Variants in PPFIA2 observed in about 807,000 individuals in gnomAD.
The protein encoded by PPFIA2 is PPFI scaffold protein A2.
A neutral mutation model predicts 175.5 loss-of-function variants in PPFIA2; 46 were observed. The observed-to-expected ratio is 0.26, with a 90% confidence interval of 0.21 to 0.34. The LOEUF is 0.34. Ranked by LOEUF, PPFIA2 falls within the 10% of genes least tolerant of loss-of-function variation. PPFIA2 has a pLI of 1.00. For synonymous variants in PPFIA2, 568 were observed against 511.4 expected (o/e 1.11, Z -1.49); for missense variants, 1,179 against 1,506.1 (o/e 0.78, Z 3.60).
At chr12:81,539,337 C>A (rs991079901) in intron 4 of PPFIA2, among the ~76,000 whole-genome samples, 1 of 151,734 alleles carries the variant, frequency 6.6e-6, no homozygotes, top group Non-Finnish European at 1.5e-5. Flanking sequence ...TTTAAAGTCA[C>A]GAGGTTGGGT....
rs1311535329 is a variant in PPFIA2, at chr12:81,457,713, A to C, written c.405+52T>G. The C allele has an allele frequency of 9.4e-6, 10 of 1,068,396 alleles. No homozygotes were observed. The East Asian group carries it at 2.5e-4, about 26-fold the overall frequency. 66.2% of individuals were successfully genotyped at this position (1,068,396 alleles called of 1,614,324 possible). ...TCTTCTTATATGTGTGTTACATGTA[A>C]TGCATTGAACTACAAATAGAATTAA... On this transcript the variant is annotated intron_variant, in intron 5 of 32. Transcript: ENST00000549396.
chr12:81,707,624 G>A (rs1596607415), intron 3 of PPFIA2, among the ~76,000 whole-genome samples: 1 of 149,118 alleles, frequency 6.7e-6, no homozygotes, highest in African/African-American at 2.4e-5. Flanking sequence ...CGATTCCTCA[G>A]GGATCTAGAA....
At chr12:81,371,538 T>G (rs2035097118) in intron 11 of PPFIA2, among the ~76,000 whole-genome samples, 1 of 151,552 alleles carries the variant, frequency 6.6e-6, no homozygotes, top group South Asian at 2.1e-4. Flanking sequence ...TGTTTCTGTT[T>G]ACTTATTAAA....
chr12:81,594,720 T>C (rs1193763828), intron 4 of PPFIA2, among the ~76,000 whole-genome samples: 1 of 151,968 alleles, frequency 6.6e-6, no homozygotes, highest in African/African-American at 2.4e-5. Flanking sequence ...TTCAAGACCC[T>C]GGAAAATATA....
At chr12:81,755,143 C>T (rs535095934) in intron 2 of PPFIA2, among the ~76,000 whole-genome samples, 10 of 152,280 alleles carry the variant, frequency 6.6e-5, no homozygotes, top group African/African-American at 2.4e-4. Flanking sequence ...CCGCCAATCA[C>T]AAGTTCTCAG....
intron 24 of PPFIA2, among the ~76,000 whole-genome samples, chr12:81,292,057 A>T (rs928693218): frequency 1.3e-5 from 2 of 152,136 alleles, no homozygotes; most frequent in African/African-American, 4.8e-5. Flanking sequence ...AAATGGTTTT[A>T]AAATTCCCTA....
At chr12:81,578,527 GTTTAT>G (rs1460867101) in intron 4 of PPFIA2, among the ~76,000 whole-genome samples, 7 of 151,780 alleles carry the variant, frequency 4.6e-5, no homozygotes, top group South Asian at 2.1e-4. Flanking sequence ...CTTTTAATGA[GTTTAT>G]TTTATTTTTA....
chr12:81,395,254 A>G (rs2040902595), intron 8 of PPFIA2, among the ~76,000 whole-genome samples: 1 of 152,104 alleles, frequency 6.6e-6, no homozygotes, highest in African/African-American at 2.4e-5. Flanking sequence ...AAATAAATCT[A>G]ATCATATATA....
At chr12:81,309,043 A>G (rs73350769) in intron 22 of PPFIA2, among the ~76,000 whole-genome samples, 6,074 of 152,292 alleles carry the variant, frequency 0.04, 371 homozygotes, top group African/African-American at 0.13. Context: ...ACAATGCAAT[A>G]TACTTAATTT....
chr12:81,516,057 T>C (rs1522325), intron 4 of PPFIA2, among the ~76,000 whole-genome samples: 76,819 of 151,696 alleles, frequency 0.51, 19,794 homozygotes, highest in African/African-American at 0.59. Context: ...GGAAAAGATG[T>C]TCTCCAAATT....
At chr12:81,659,102 A>G (rs1265995257) in intron 4 of PPFIA2, among the ~76,000 whole-genome samples, 1 of 152,116 alleles carries the variant, frequency 6.6e-6, no homozygotes, top group Non-Finnish European at 1.5e-5. Context: ...AGATGGCCAA[A>G]TAGGAACAGC....
chr12:81,736,386 G>A (rs1203684880), intron 3 of PPFIA2, among the ~76,000 whole-genome samples: 2 of 151,848 alleles, frequency 1.3e-5, no homozygotes, highest in Admixed American at 6.6e-5. Context: ...ATTTATGTAT[G>A]TTTATCTTTT....
At chr12:81,676,942 G>T in intron 3 of PPFIA2, 98 bp from the exon 4 acceptor site, 2 of 782,302 alleles carry the variant, frequency 2.6e-6, no homozygotes, top group Non-Finnish European at 3.9e-6. Context: ...GCAAAGTTAG[G>T]GCATGTCAGC....
At chr12:81,711,047 TAGAG>T (rs1394470970) in intron 3 of PPFIA2, among the ~76,000 whole-genome samples, 3 of 151,102 alleles carry the variant, frequency 2.0e-5, no homozygotes, top group Non-Finnish European at 4.4e-5. Context: ...CTTGGAAACA[TAGAG>T]AGACCTCTTC....
At chr12:81,686,473 G>T (rs1284844379) in intron 3 of PPFIA2, among the ~76,000 whole-genome samples, 1 of 152,036 alleles carries the variant, frequency 6.6e-6, no homozygotes, top group Non-Finnish European at 1.5e-5. Flanking sequence ...CATAAATTTT[G>T]TGTGTCGCTT....
Position 81,392,207 on chromosome 12 carries a change from C to CA in PPFIA2, c.763-7964dup, listed in dbSNP as rs775438267. 6.7e-4 allele frequency among the ~76,000 whole-genome samples: 101 copies of CA among 151,838 alleles called. 1 individual carries two copies. Among genetic ancestry groups the CA allele is most frequent in the South Asian group, 2.1e-4 (1 of 4,814 alleles). On this transcript the variant is annotated intron_variant, in intron 8 of 32. Transcript: ENST00000549396. ...TGAATGGATTGAATATGATATGGGA[C>CA]AAAAAGCATAGACTCAAGGATGACT...
chr12:81,404,321 A>G (rs956058581), intron 8 of PPFIA2, among the ~76,000 whole-genome samples: 1 of 152,190 alleles, frequency 6.6e-6, no homozygotes, highest in Non-Finnish European at 1.5e-5. Context: ...CTTTTATGAA[A>G]AAGACTAGAT....
intron 21 of PPFIA2, among the ~76,000 whole-genome samples, chr12:81,336,131 T>C (rs1372251140): frequency 6.6e-6 from 1 of 152,228 alleles, no homozygotes; most frequent in Non-Finnish European, 1.5e-5. Flanking sequence ...AGAATAATTT[T>C]TTCAAAAGAT....
intron 4 of PPFIA2, among the ~76,000 whole-genome samples, chr12:81,662,461 T>G (rs1208437157): frequency 6.6e-6 from 1 of 152,104 alleles, no homozygotes; most frequent in Non-Finnish European, 1.5e-5. Context: ...AAGAAATGGA[T>G]AAATTCCTCG....
Sources: gnomAD v4.1 joint callset for allele counts (sites outside exome capture counted in the v4.1 genomes callset) on GRCh38, gnomAD v4.1.1 for gene constraint, MANE v1.5 for transcripts, NCBI Gene and HGNC (gene_info 2026-07-23, HGNC 2026-07-21) for gene names.